The following ABCA13 variants were observed in gnomAD, a reference collection of about 807,000 sequenced individuals.
ABCA13 encodes ATP-binding cassette sub-family A member 13.
Under a neutral mutation model 478.7 loss-of-function variants are expected in ABCA13, and 476 were observed. The ratio of observed to expected loss-of-function variants is 0.99; its 90% CI spans 0.92 to 1.07. The LOEUF (loss-of-function observed/expected upper bound fraction) is 1.07. ABCA13 is among the 50% of genes least tolerant of loss of function. The pLI is 0.00. For synonymous variants in ABCA13, 2,252 were observed against 2,158.9 expected, an observed-to-expected ratio of 1.04 and a Z score of -1.20; for missense variants, 6,060 against 5,910.6, an observed-to-expected ratio of 1.03 and a Z score of -0.83.
In ABCA13 at chr7:48,272,508, A is replaced by C; in HGVS notation, c.2842A>C (p.Ile948Leu). 6.2e-7 allele frequency: 1 copy of C among 1,613,808 alleles called. No homozygotes were observed. Among genetic ancestry groups the C allele is most frequent in the Non-Finnish European group, 8.5e-7 (1 of 1,179,760 alleles). Residue 948 changes from isoleucine (I) to leucine (L), a missense_variant, in exon 17 of 62, where the codon ATA becomes CTA. Ile to Leu is a conservative substitution (Grantham distance 5). Transcript: ENST00000435803. ...AGAAGTTGATAAAATTTTGACTCAC[A>C]TACACCTAAATGTCTTCCAGGACAA... ...KQEVDKILTH[I>L]HLNVFQDKDS...
intron 41 of ABCA13, among the ~76,000 whole-genome samples, chr7:48,421,643 C>T (rs1256047593): frequency 6.6e-6 from 1 of 152,212 alleles, no homozygotes. Context: ...GCTCTAGAAT[C>T]AGCCATTTCT....
At chr7:48,483,234 T>C in intron 47 of ABCA13, 71 bp downstream of exon 47, 1 of 1,386,204 alleles carries the variant, frequency 7.2e-7, no homozygotes, top group Non-Finnish European at 1.0e-6. Flanking sequence ...AAATATAATT[T>C]TGAGCACAGG....
In ABCA13 at chr7:48,352,247, A is replaced by G. The variant is rs199919712; in HGVS notation, c.10448A>G (p.His3483Arg). Residue 3483 changes from histidine to arginine, a missense_variant, in exon 31 of 62, where the codon CAT becomes CGT. Physicochemically the swap from His to Arg is conservative, Grantham distance 29. Coordinates refer to ENST00000435803, the MANE Select transcript of ABCA13 (RefSeq NM_152701.5). ...FRSESVKLPP[H>R]VSYTIRTNVL... ...TCAGAGTCTGTCAAACTGCCACCCC[A>G]TGTCTCATACACAATCCGGACCAAT... 153 of 1,612,926 alleles carry G rather than the reference A, an allele frequency of 9.5e-5. No individual in the cohort carries two copies. Among genetic ancestry groups the G allele is most frequent in the Non-Finnish European group, 1.2e-4 (144 of 1,179,456 alleles).
intron 35 of ABCA13, among the ~76,000 whole-genome samples, chr7:48,378,996 C>G (rs1028024315): frequency 5.3e-5 from 8 of 152,108 alleles, no homozygotes; most frequent in African/African-American, 1.9e-4. Flanking sequence ...TATATTTTCT[C>G]TTTGTGATTG....
chr7:48,577,091 A>T (rs1788257337), intron 55 of ABCA13, among the ~76,000 whole-genome samples: 1 of 152,180 alleles, frequency 6.6e-6, no homozygotes, highest in South Asian at 2.1e-4. Flanking sequence ...TGCTTAAAGG[A>T]AAATTCATGG....
Position 48,240,736 on chromosome 7 carries a change from C to T in ABCA13, c.1063-131C>T, listed in dbSNP as rs993453119. On this transcript the variant is annotated intron_variant, in intron 9 of 61. Transcript: ENST00000435803. ...AAATCATACTGCAATTGCTAACAGACATTTTAATTTACCAAAAAATAAAGA... is the reference window on the plus strand; with the variant it reads ...AAATCATACTGCAATTGCTAACAGATATTTTAATTTACCAAAAAATAAAGA... The T allele has an allele frequency of 1.1e-4, 78 of 685,632 alleles. 1 individual carries two copies. The highest frequency in any genetic ancestry group is 1.3e-4 in the Non-Finnish European group (62 of 472,208). 42.5% of individuals were successfully genotyped at this position (685,632 alleles called of 1,614,324 possible). A position where few individuals can be genotyped will look rare whatever the true frequency, so the allele number is the denominator to read the frequency against.
At chr7:48,512,835 G>A (rs151147801) in intron 51 of ABCA13, among the ~76,000 whole-genome samples, 4 of 152,312 alleles carry the variant, frequency 2.6e-5, no homozygotes, top group South Asian at 2.1e-4. Context: ...ATAGGCAATA[G>A]GGGTTACACG....
At chr7:48,222,006 A>G (rs190551692) in intron 5 of ABCA13, among the ~76,000 whole-genome samples, 8 of 152,368 alleles carry the variant, frequency 5.3e-5, no homozygotes, top group African/African-American at 1.4e-4. Context: ...TAACAGAAGC[A>G]TATGTGTCTG....
intron 43 of ABCA13, among the ~76,000 whole-genome samples, chr7:48,462,710 T>C (rs1826398860): frequency 6.6e-6 from 1 of 152,138 alleles, no homozygotes; most frequent in East Asian, 1.9e-4. Flanking sequence ...GGTTTCACCA[T>C]GCTGGCCAGG....
intron 35 of ABCA13, among the ~76,000 whole-genome samples, chr7:48,386,199 CA>C (rs1384027811): frequency 1.3e-5 from 2 of 152,134 alleles, no homozygotes; most frequent in Admixed American, 6.5e-5. Context: ...AAGATCTCTA[CA>C]AGGAGAACTA....
At chr7:48,495,653 G>A (rs1054304677) in intron 48 of ABCA13, among the ~76,000 whole-genome samples, 1 of 152,098 alleles carries the variant, frequency 6.6e-6, no homozygotes, top group African/African-American at 2.4e-5. Flanking sequence ...GCTGAGAGGC[G>A]AGTAGTAAAG....
At chr7:48,564,735 T>C (rs1442038461) in intron 55 of ABCA13, among the ~76,000 whole-genome samples, 7 of 151,974 alleles carry the variant, frequency 4.6e-5, no homozygotes. Flanking sequence ...ATACTAAAGT[T>C]TAAAAACCTC....
At chr7:48,623,856 A>G (rs749864210) in intron 59 of ABCA13, among the ~76,000 whole-genome samples, 10 of 152,120 alleles carry the variant, frequency 6.6e-5, no homozygotes, top group Non-Finnish European at 1.2e-4. Context: ...CCCAAGGAAG[A>G]TAGGGATCAT....
rs190240880 is a variant in ABCA13, at chr7:48,241,128, C to T, written c.1262+62C>T. The T allele has an allele frequency of 1.4e-4, 211 of 1,542,258 alleles. No individual in the cohort carries two copies. The African/African-American group carries it at 1.7e-3, about 13-fold the overall frequency. On this transcript the variant is annotated intron_variant, in intron 10 of 61. Transcript: ENST00000435803. ...AGATGACACAGAATGTTAAAGAGTG[C>T]GTGATGATACTGTTAGAAACACATT...
At position 48,641,606 on chromosome 7, in the gene ABCA13, A is replaced by G. The variant is rs548411783; in HGVS notation, c.14838-1682A>G. On this transcript the variant is annotated intron_variant, in intron 59 of 61. Transcript: ENST00000435803. ...GGTACGTGGAGGAGCTGGATTCAGTAGTGCAAACACTACATTTTGTCATGC... is the reference window on the plus strand; with the variant it reads ...GGTACGTGGAGGAGCTGGATTCAGTGGTGCAAACACTACATTTTGTCATGC... Among the ~76,000 whole-genome samples, 7 of 152,342 alleles carry G rather than the reference A, an allele frequency of 4.6e-5. 1 individual carries two copies. In the South Asian group the frequency reaches 1.4e-3, roughly 32 times the overall value.
intron 41 of ABCA13, among the ~76,000 whole-genome samples, chr7:48,424,684 C>G (rs1821176751): frequency 6.6e-6 from 1 of 152,082 alleles, no homozygotes; most frequent in South Asian, 2.1e-4. Context: ...TCATTAAATC[C>G]CTGGGTAATG....
At chr7:48,425,313 T>C (rs2129131667) in intron 41 of ABCA13, among the ~76,000 whole-genome samples, 1 of 152,326 alleles carries the variant, frequency 6.6e-6, no homozygotes, top group Non-Finnish European at 1.5e-5. Flanking sequence ...CAGATGAATA[T>C]TGTTATCAAT....
In ABCA13 at chr7:48,317,303, T is replaced by G. The variant is rs1007433881; in HGVS notation, c.9999+7T>G. On this transcript the variant is annotated splice_region_variant and intron_variant, in intron 27 of 61. Transcript: ENST00000435803. The stretch of plus-strand genomic sequence containing the variant: ...TAACAAGGTCATTCAAAAGGTAAGT[T>G]AAAATAAATGAGAATCATATAGACC... 12 of 1,611,100 alleles carry G rather than the reference T, an allele frequency of 7.4e-6. No individual in the cohort carries two copies. The highest frequency in any genetic ancestry group is 1.0e-5 in the Non-Finnish European group (12 of 1,178,976).
intron 55 of ABCA13, among the ~76,000 whole-genome samples, chr7:48,556,999 T>G (rs1785901727): frequency 2.6e-5 from 4 of 152,084 alleles, no homozygotes; most frequent in African/African-American, 9.6e-5. Flanking sequence ...TTGCAAATAC[T>G]ATTGTATAAC....
Sources: allele counts gnomAD v4.1 joint callset (sites outside exome capture counted in the v4.1 genomes callset), GRCh38; gene constraint gnomAD v4.1.1; transcripts MANE v1.5; gene names NCBI Gene and HGNC (gene_info 2026-07-23, HGNC 2026-07-21).